ZNF619: variants seen among roughly 807,000 people sequenced by gnomAD.
ZNF619 encodes zinc finger protein 619.
A neutral mutation model predicts 14.2 loss-of-function variants in ZNF619; 9 were observed. That is an observed-to-expected ratio of 0.64 (90% CI 0.38 to 1.11). The LOEUF is 1.11. Among genes scored for constraint, ZNF619 ranks in the 50% least tolerant of loss-of-function variants. The pLI, the probability that ZNF619 is intolerant of heterozygous loss-of-function variation, is 0.01. For synonymous variants in ZNF619, 246 were observed against 252.8 expected (o/e 0.97, Z 0.26); for missense variants, 659 against 680.1 (o/e 0.97, Z 0.34).
In ZNF619 at chr3:40,488,651, CTT is replaced by C. The variant is rs879692096; in HGVS notation, c.*421_*422del. The C allele has an allele frequency of 1.7e-4, 24 of 144,298 alleles. No homozygotes were observed. The highest frequency in any genetic ancestry group is 6.5e-4 in the South Asian group (3 of 4,606). The allele number at this position is 144,298 out of a possible 1,614,324, so 8.9% of individuals were successfully genotyped here. A position where few individuals can be genotyped will look rare whatever the true frequency, so the allele number is the denominator to read the frequency against. ...AGTGTCCAATGATTGCTTTCAAGAGCTTTTTTTTTTTTAGGGGGTGGGGGGTG... is the reference window on the plus strand; with the variant it reads ...AGTGTCCAATGATTGCTTTCAAGAGCTTTTTTTTTTAGGGGGTGGGGGGTG... On this transcript the variant is annotated 3_prime_UTR_variant, in exon 5 of 5. Coordinates refer to ENST00000432264, the MANE Select transcript of ZNF619 (RefSeq NM_001145093.4).
rs1304341443 is a variant in ZNF619 at position 40,487,849 on chromosome 3, C to A, written c.1339C>A (p.Gln447Lys). 6.2e-7 allele frequency: 1 copy of A among 1,614,204 alleles called. No individual in the cohort carries two copies. Among genetic ancestry groups the A allele is most frequent in the Admixed American group, 1.7e-5 (1 of 60,022 alleles). Residue 447 changes from glutamine to lysine, a missense_variant, in exon 5 of 5, where the codon CAG (glutamine) becomes AAG (lysine). Gln to Lys is a moderately conservative substitution (Grantham distance 53). Transcript: ENST00000432264. The part of the protein sequence containing the change: ...FSQKITLVQH[Q>K]RVHTGEKPYE... The stretch of plus-strand genomic sequence containing the variant: ...TCAAAAGATCACTCTGGTTCAGCAT[C>A]AGCGAGTTCACACTGGGGAGAAACC...
chr3:40,485,356 C>T (rs1225297523), intron 4 of ZNF619, among the ~76,000 whole-genome samples: 2 of 150,746 alleles, frequency 1.3e-5, no homozygotes, highest in African/African-American at 4.9e-5. Flanking sequence ...GGCTGGAGCG[C>T]AGTGGCGCAA....
rs1697703137 is a variant in ZNF619 at position 40,488,225 on chromosome 3, T to C, written c.1715T>C (p.Leu572Ser). 6.4e-7 allele frequency: 1 copy of C among 1,565,950 alleles called. No homozygotes were observed. The highest frequency in any genetic ancestry group is 8.7e-7 in the Non-Finnish European group (1 of 1,143,970). Residue 572 changes from leucine (L) to serine (S), a missense_variant, in exon 5 of 5, where the codon TTG (leucine) becomes TCG (serine). Physicochemically the swap from Leu to Ser is moderately radical, Grantham distance 145. Coordinates refer to ENST00000432264, the MANE Select transcript of ZNF619 (RefSeq NM_001145093.4). ...GKSSLQSPNP[L>S]SHSL is the part of the protein sequence containing the mutation. ...TCATCCCTTCAGAGCCCGAATCCTT[T>C]GTCTCACTCCCTGTAAGCCCCGTCA...
rs1472470493 is a variant in ZNF619, at chr3:40,482,015, G to T, written c.177G>T (p.Leu59Phe). 1.3e-6 allele frequency: 2 copies of T among 1,592,082 alleles called. No homozygotes were observed. The highest frequency in any genetic ancestry group is 2.7e-5 in the African/African-American group (2 of 74,062). Residue 59 changes from leucine (L) to phenylalanine (F), a missense_variant and splice_region_variant, in exon 3 of 5, where the codon TTG (leucine) becomes TTT (phenylalanine). Physicochemically the swap from Leu to Phe is conservative, Grantham distance 22. Transcript: ENST00000432264. Reference protein sequence around the residue: ...MLENYANVTSLSAFPFPKPDL... With the variant: ...MLENYANVTSFSAFPFPKPDL... ...AGAATTATGCAAATGTGACTTCCTTGTGTAAGTCCTCCTTCCTCTCTGAAA... is the reference window on the plus strand; with the variant it reads ...AGAATTATGCAAATGTGACTTCCTTTTGTAAGTCCTCCTTCCTCTCTGAAA...
At chr3:40,477,416 C>G (rs1697229509) in intron 1 of ZNF619, 59 bp downstream of exon 1, 1 of 155,458 alleles carries the variant, frequency 6.4e-6, no homozygotes, top group African/African-American at 2.4e-5. Flanking sequence ...CAGGGTGGAG[C>G]GTTCAGATCC....
chr3:40,487,639 T>C lies in ZNF619; in HGVS notation c.1129T>C (p.Cys377Arg), dbSNP rs141560116. ...GGAGAAACCTTATGAATGTAAAGAGTGTGGCAAGGCCTTCCACCGCAGTTC... is the reference window on the plus strand; with the variant it reads ...GGAGAAACCTTATGAATGTAAAGAGCGTGGCAAGGCCTTCCACCGCAGTTC... The part of the protein sequence containing the change: ...TGEKPYECKE[C>R]GKAFHRSSVF... Residue 377 changes from cysteine (C) to arginine (R), a missense_variant, in exon 5 of 5, where the codon TGT becomes CGT. Coordinates refer to ENST00000432264, the MANE Select transcript of ZNF619 (RefSeq NM_001145093.4). 2.3e-5 allele frequency: 37 copies of C among 1,613,656 alleles called. No individual in the cohort carries two copies. The highest frequency in any genetic ancestry group is 3.1e-5 in the Non-Finnish European group (36 of 1,179,940).
chr3:40,488,330 G>T lies in ZNF619; in HGVS notation c.*89G>T. The T allele has an allele frequency of 1.4e-6, 1 of 717,228 alleles. No homozygotes were observed. The highest frequency in any genetic ancestry group is 2.4e-6 in the Non-Finnish European group (1 of 409,918). The allele number at this position is 717,228 out of a possible 1,614,324, so 44.4% of individuals were successfully genotyped here. A position where few individuals can be genotyped will look rare whatever the true frequency, so the allele number is the denominator to read the frequency against. The stretch of plus-strand genomic sequence containing the variant: ...TGTCTATTGATATTCCTCTGGTCTT[G>T]TCTTGTATAAGTTGTTACTGTTTTC... On this transcript the variant is annotated 3_prime_UTR_variant, in exon 5 of 5. Transcript: ENST00000432264.
intron 4 of ZNF619, among the ~76,000 whole-genome samples, chr3:40,485,951 C>G (rs1261885281): frequency 6.6e-6 from 1 of 151,912 alleles, no homozygotes. Flanking sequence ...TCTCATGAAC[C>G]CTTTATAAGC....
chr3:40,482,051 G>A (rs748786414), intron 3 of ZNF619, 35 bp downstream of exon 3: 6 of 1,566,804 alleles, frequency 3.8e-6, no homozygotes, highest in Middle Eastern at 3.5e-4. Flanking sequence ...CTCAGCTTCT[G>A]CCCTTGGGAG....
intron 2 of ZNF619, among the ~76,000 whole-genome samples, chr3:40,479,625 C>T (rs1398211043): frequency 6.6e-6 from 1 of 152,202 alleles, no homozygotes; most frequent in Non-Finnish European, 1.5e-5. Flanking sequence ...CCAAAGTTAA[C>T]AGCTAATGAG....
intron 3 of ZNF619, chr3:40,482,356 C>A (rs1260181745): frequency 1.3e-6 from 2 of 1,558,800 alleles, no homozygotes; most frequent in Non-Finnish European, 8.7e-7. Context: ...ATGTGTGAGT[C>A]CCCTAGGGCC....
intron 4 of ZNF619, among the ~76,000 whole-genome samples, chr3:40,486,214 A>G (rs971412827): frequency 6.6e-6 from 1 of 151,672 alleles, no homozygotes; most frequent in Non-Finnish European, 1.5e-5. Flanking sequence ...ACTTTTCTTC[A>G]TTGCTTCCCC....
At position 40,487,132 on chromosome 3, in the gene ZNF619, G is replaced by C. The variant is rs771550112; in HGVS notation, c.622G>C (p.Glu208Gln). Residue 208 changes from glutamate to glutamine, a missense_variant, in exon 5 of 5, where the codon GAG (glutamate) becomes CAG (glutamine). Coordinates refer to ENST00000432264, the MANE Select transcript of ZNF619 (RefSeq NM_001145093.4). ...AGAACAGGTGTTTTATAAATGTGGT[G>C]AGTGTGGCAGTTACTACAACCCACA... Reference protein sequence around the residue: ...AKEQVFYKCGECGSYYNPHSD... With the variant: ...AKEQVFYKCGQCGSYYNPHSD... 1 of 1,614,166 alleles carries C rather than the reference G, an allele frequency of 6.2e-7. No individual in the cohort carries two copies. The highest frequency in any genetic ancestry group is 1.1e-5 in the South Asian group (1 of 91,088).
intron 2 of ZNF619, 97 bp from the exon 3 acceptor site, chr3:40,481,766 C>T: frequency 6.7e-7 from 1 of 1,490,214 alleles, no homozygotes; most frequent in African/African-American, 1.4e-5. Flanking sequence ...TGTGGCTCTC[C>T]TTGCCAGTAC....
chr3:40,481,522 C>T (rs72866433), intron 2 of ZNF619, among the ~76,000 whole-genome samples: 1,678 of 152,232 alleles, frequency 0.011, 26 homozygotes, highest in African/African-American at 0.037. Context: ...GGCCCTGATA[C>T]GTGCTTCAGG....
intron 2 of ZNF619, 146 bp downstream of exon 2, chr3:40,478,149 G>C (rs1697260420): frequency 1.2e-5 from 9 of 722,796 alleles, no homozygotes; most frequent in East Asian, 2.8e-5. Flanking sequence ...GGGAGTTGAC[G>C]AACGAGAGTA....
chr3:40,477,851 G>T, intron 1 of ZNF619, 67 bp from the exon 2 acceptor site: 1 of 809,866 alleles, frequency 1.2e-6, no homozygotes, highest in Non-Finnish European at 2.1e-6. Flanking sequence ...AGTGGCAGGA[G>T]ACAGAGGGGA....
In ZNF619 at chr3:40,484,572, T is replaced by C. The variant is rs142654470; in HGVS notation, c.295+1868T>C. Among the ~76,000 whole-genome samples the C allele has an allele frequency of 2.5e-4, 38 of 152,336 alleles. No individual in the cohort carries two copies. In the East Asian group the frequency reaches 7.3e-3, roughly 29 times the overall value. ...AAATTGATTTCAGCATTTCAGATCATGTAGGGGCTTTCCCAGTATCCTTCC... is the reference window on the plus strand; with the variant it reads ...AAATTGATTTCAGCATTTCAGATCACGTAGGGGCTTTCCCAGTATCCTTCC... On this transcript the variant is annotated intron_variant, in intron 4 of 4. Coordinates refer to ENST00000432264, the MANE Select transcript of ZNF619 (RefSeq NM_001145093.4).
rs1697399855 is a variant in ZNF619, at chr3:40,481,736, C to G, written c.25-127C>G. On this transcript the variant is annotated intron_variant, in intron 2 of 4. Coordinates refer to ENST00000432264, the MANE Select transcript of ZNF619 (RefSeq NM_001145093.4). ...GGAAAGTTGGAATGCTGGCTCGGGG[C>G]TGCCCCTGCTGGGGTCCTGTGTGGC... is the stretch of plus-strand genomic sequence containing the variant. 9.7e-6 allele frequency: 12 copies of G among 1,240,616 alleles called. No homozygotes were observed. The East Asian group carries it at 2.7e-4, about 28-fold the overall frequency. The allele number at this position is 1,240,616 out of a possible 1,614,324, so 76.9% of individuals were successfully genotyped here.
Sources: gnomAD v4.1 joint callset for allele counts (sites outside exome capture counted in the v4.1 genomes callset) on GRCh38, gnomAD v4.1.1 for gene constraint, MANE v1.5 for transcripts, NCBI Gene and HGNC (gene_info 2026-07-23, HGNC 2026-07-21) for gene names.